TRIQK: variants seen among roughly 807,000 people sequenced by gnomAD.
The protein encoded by TRIQK is triple QxxK/R motif-containing protein.
A neutral mutation model predicts 10.8 loss-of-function variants in TRIQK; 10 were observed. The ratio of observed to expected loss-of-function variants is 0.92; its 90% CI spans 0.57 to 1.57. TRIQK has a LOEUF of 1.57. Ranked by LOEUF, TRIQK falls within the 40% of genes most tolerant of loss-of-function variation. TRIQK has a pLI of 0.00. For missense variants in TRIQK, 107 were observed against 97.7 expected, an observed-to-expected ratio of 1.09 and a Z score of -0.40; for synonymous variants, 33 against 33.7, an observed-to-expected ratio of 0.98 and a Z score of 0.07.
At chr8:92,937,290 A>G (rs1209720993) in intron 2 of TRIQK, among the ~76,000 whole-genome samples, 2 of 151,332 alleles carry the variant, frequency 1.3e-5, no homozygotes, top group Non-Finnish European at 1.5e-5. Flanking sequence ...GGAAAAATAT[A>G]CCTATACCAA....
intron 2 of TRIQK, chr8:92,953,993 T>C (rs980649010): frequency 6.6e-6 from 1 of 151,976 alleles, no homozygotes; most frequent in African/African-American, 2.4e-5. Context: ...GATATTAATC[T>C]GTTTATTACT....
chr8:93,005,648 G>A (rs549184175), intron 1 of TRIQK, among the ~76,000 whole-genome samples: 104 of 152,094 alleles, frequency 6.8e-4, no homozygotes, highest in Non-Finnish European at 1.1e-3. Context: ...GGTATAGAAG[G>A]TACGTACCTC....
At chr8:92,978,657 A>G (rs773474309) in intron 1 of TRIQK, among the ~76,000 whole-genome samples, 1 of 152,140 alleles carries the variant, frequency 6.6e-6, no homozygotes, top group Non-Finnish European at 1.5e-5. Flanking sequence ...ACTTATGGGT[A>G]CAACTTCTCA....
intron 2 of TRIQK, among the ~76,000 whole-genome samples, chr8:92,943,043 G>A (rs546071092): frequency 6.8e-4 from 102 of 149,858 alleles, no homozygotes; most frequent in African/African-American, 2.4e-3. Flanking sequence ...ATCTAAAAAT[G>A]AAATAAGGAC....
At chr8:92,977,071 A>G (rs1276031178) in intron 1 of TRIQK, among the ~76,000 whole-genome samples, 1 of 151,978 alleles carries the variant, frequency 6.6e-6, no homozygotes, top group African/African-American at 2.4e-5. Flanking sequence ...TACCATTTCC[A>G]GTGCTCTTTG....
chr8:92,964,075 G>C (rs1232399586), intron 1 of TRIQK, among the ~76,000 whole-genome samples: 3 of 152,012 alleles, frequency 2.0e-5, no homozygotes, highest in Admixed American at 6.6e-5. Flanking sequence ...GTTCCCGTTT[G>C]TTAGTGCTCA....
chr8:92,913,982 A>T (rs1809703321), intron 3 of TRIQK, among the ~76,000 whole-genome samples: 1 of 152,100 alleles, frequency 6.6e-6, no homozygotes, highest in Admixed American at 6.6e-5. Flanking sequence ...GGTGGGGTGT[A>T]AGGGAAAGGA....
At chr8:92,969,537 G>C (rs1021302669), upstream of TRIQK, among the ~76,000 whole-genome samples, 2 of 149,712 alleles carry the variant, frequency 1.3e-5, no homozygotes, top group Non-Finnish European at 3.0e-5. Context: ...GTTGATTATA[G>C]TCTATATCTT....
At chr8:93,008,470 T>C (rs1030914402) in intron 1 of TRIQK, among the ~76,000 whole-genome samples, 3 of 152,102 alleles carry the variant, frequency 2.0e-5, no homozygotes, top group Admixed American at 1.3e-4. Flanking sequence ...AGAATATCAA[T>C]ATCCTGTGAT....
At chr8:92,915,184 G>A (rs1042447159) in intron 3 of TRIQK, among the ~76,000 whole-genome samples, 4 of 152,094 alleles carry the variant, frequency 2.6e-5, no homozygotes, top group African/African-American at 4.8e-5. Flanking sequence ...AAAGGAGAGT[G>A]GAATGGTGTT....
At chr8:93,011,575 C>A (rs1018833489) in intron 1 of TRIQK, among the ~76,000 whole-genome samples, 1 of 151,980 alleles carries the variant, frequency 6.6e-6, no homozygotes. Flanking sequence ...GGTTCCCCTT[C>A]CTGGTCAAAG....
At chr8:92,969,357 T>G (rs2130736131), upstream of TRIQK, among the ~76,000 whole-genome samples, 1 of 152,286 alleles carries the variant, frequency 6.6e-6, no homozygotes, top group East Asian at 1.9e-4. Flanking sequence ...AGTTATTGAC[T>G]TTTAATTCCA....
intron 1 of TRIQK, among the ~76,000 whole-genome samples, chr8:93,009,783 T>C (rs1202012239): frequency 6.6e-6 from 1 of 152,058 alleles, no homozygotes; most frequent in Non-Finnish European, 1.5e-5. Context: ...GCTGGGTTTA[T>C]ATCCAAAGGA....
chr8:92,897,975 C>T (rs973854962), intron 3 of TRIQK, among the ~76,000 whole-genome samples: 5 of 151,918 alleles, frequency 3.3e-5, no homozygotes, highest in African/African-American at 4.8e-5. Flanking sequence ...TAGCCCTGCT[C>T]GTGCACATGA....
At chr8:92,933,866 C>G (rs1447608619) in intron 2 of TRIQK, among the ~76,000 whole-genome samples, 1 of 152,034 alleles carries the variant, frequency 6.6e-6, no homozygotes, top group Non-Finnish European at 1.5e-5. Context: ...TAACATATCA[C>G]TCACTGAATC....
chr8:92,967,486 A>T (rs1346804088), upstream of TRIQK, among the ~76,000 whole-genome samples: 1 of 152,148 alleles, frequency 6.6e-6, no homozygotes, highest in African/African-American at 2.4e-5. Context: ...AACTTTCTTG[A>T]TTTGTATGAC....
At chr8:92,970,958 G>T (rs1359894436), upstream of TRIQK, among the ~76,000 whole-genome samples, 1 of 152,058 alleles carries the variant, frequency 6.6e-6, no homozygotes, top group Non-Finnish European at 1.5e-5. Flanking sequence ...AATGCATCTT[G>T]AATTATTTTT....
intron 2 of TRIQK, among the ~76,000 whole-genome samples, chr8:92,932,700 G>A (rs1470271328): frequency 6.6e-6 from 1 of 151,856 alleles, no homozygotes; most frequent in Non-Finnish European, 1.5e-5. Flanking sequence ...TTATTCGTTA[G>A]TATCCTACTT....
rs1816445896 is a variant in TRIQK at position 92,885,793 on chromosome 8, A to G, written c.*829T>C. On this transcript the variant is annotated 3_prime_UTR_variant, in exon 5 of 5. Transcript: ENST00000521988. ...ATTCTGAGTAGGTAGGATTTTTGCTATTACTGTTATGTGAAAAAGACTGCT... is the reference window on the plus strand; with the variant it reads ...ATTCTGAGTAGGTAGGATTTTTGCTGTTACTGTTATGTGAAAAAGACTGCT... 1.3e-5 allele frequency: 2 copies of G among 151,708 alleles called. No homozygotes were observed. Among genetic ancestry groups the G allele is most frequent in the Admixed American group, 6.6e-5 (1 of 15,170 alleles). The allele number at this position is 151,708 out of a possible 1,614,324, so 9.4% of individuals were successfully genotyped here. A position where few individuals can be genotyped will look rare whatever the true frequency, so the allele number is the denominator to read the frequency against.
Sources: gnomAD v4.1 joint callset for allele counts (sites outside exome capture counted in the v4.1 genomes callset) on GRCh38, gnomAD v4.1.1 for gene constraint, MANE v1.5 for transcripts, NCBI Gene and HGNC (gene_info 2026-07-23, HGNC 2026-07-21) for gene names.